Variants in MAF observed in about 807,000 individuals in gnomAD.
The protein encoded by MAF is transcription factor Maf.
Under a neutral mutation model 22.0 loss-of-function variants are expected in MAF, and 10 were observed. The ratio of observed to expected loss-of-function variants is 0.45; its 90% CI spans 0.28 to 0.77. The LOEUF (loss-of-function observed/expected upper bound fraction) is 0.77. MAF is among the 30% of genes least tolerant of loss of function. MAF has a pLI of 0.12. For missense variants in MAF, 544 were observed against 548.4 expected, an observed-to-expected ratio of 0.99 and a Z score of 0.08; for synonymous variants, 337 against 255.8, an observed-to-expected ratio of 1.32 and a Z score of -3.03.
chr16:79,339,691 G>T, the MAF span, among the ~76,000 whole-genome samples: 1 of 152,270 alleles, frequency 6.6e-6, no homozygotes, highest in Admixed American at 6.5e-5. Context: ...TGTTGTTAGT[G>T]TAATAAACAC....
intron 1 of MAF, chr16:79,595,999 A>G: frequency 9.4e-7 from 1 of 1,061,152 alleles, no homozygotes; most frequent in Non-Finnish European, 1.1e-6. Flanking sequence ...GCTAACAAGA[A>G]AATCTCGGTG....
At chr16:79,562,011 C>T in the MAF span, among the ~76,000 whole-genome samples, 1 of 152,164 alleles carries the variant, frequency 6.6e-6, no homozygotes, top group Non-Finnish European at 1.5e-5. Flanking sequence ...CTTATGTTTG[C>T]AAGCTCAAAA....
the MAF span, among the ~76,000 whole-genome samples, chr16:79,493,530 T>C: frequency 2.0e-5 from 3 of 152,192 alleles, no homozygotes; most frequent in African/African-American, 7.2e-5. Flanking sequence ...GCCAGGCTGC[T>C]GTTGAACTCC....
chr16:79,389,057 C>A, the MAF span, among the ~76,000 whole-genome samples: 1 of 152,148 alleles, frequency 6.6e-6, no homozygotes, highest in South Asian at 2.1e-4. Flanking sequence ...AAAAATTGAT[C>A]CCATCGGAGA....
chr16:79,573,307 A>G, the MAF span, among the ~76,000 whole-genome samples: 2 of 152,226 alleles, frequency 1.3e-5, no homozygotes, highest in African/African-American at 4.8e-5. Context: ...TTTGCTTTAC[A>G]GCATTTGGGT....
the MAF span, among the ~76,000 whole-genome samples, chr16:79,568,002 T>C: frequency 6.6e-6 from 1 of 152,180 alleles, no homozygotes; most frequent in Non-Finnish European, 1.5e-5. Flanking sequence ...TATTACAGAA[T>C]GATAATCAGG....
chr16:79,287,285 G>A, the MAF span, among the ~76,000 whole-genome samples: 5 of 152,296 alleles, frequency 3.3e-5, no homozygotes, highest in African/African-American at 4.8e-5. Flanking sequence ...CACCTGCCAC[G>A]CTCCCAGCCC....
At chr16:79,537,500 C>T in the MAF span, among the ~76,000 whole-genome samples, 1 of 152,300 alleles carries the variant, frequency 6.6e-6, no homozygotes, top group Middle Eastern at 3.4e-3. Context: ...GCTCTAAGTT[C>T]GTGCGGCTGA....
At chr16:79,262,155 G>C in the MAF span, among the ~76,000 whole-genome samples, 1 of 152,130 alleles carries the variant, frequency 6.6e-6, no homozygotes, top group Non-Finnish European at 1.5e-5. Flanking sequence ...TGTTGTCTGA[G>C]GTCATTGCCA....
At chr16:79,361,224 A>T in the MAF span, among the ~76,000 whole-genome samples, 1 of 152,130 alleles carries the variant, frequency 6.6e-6, no homozygotes, top group Non-Finnish European at 1.5e-5. Context: ...TTGTCCCCTC[A>T]TTAGGAGAGC....
At chr16:79,251,779 C>G in the MAF span, among the ~76,000 whole-genome samples, 2 of 152,202 alleles carry the variant, frequency 1.3e-5, no homozygotes, top group Admixed American at 6.5e-5. Flanking sequence ...CTTCCCCTGA[C>G]CAGCCAAGCG....
At chr16:79,241,118 C>T in the MAF span, among the ~76,000 whole-genome samples, 1 of 152,058 alleles carries the variant, frequency 6.6e-6, no homozygotes, top group South Asian at 2.1e-4. Flanking sequence ...ATTCCAAAAA[C>T]CAGAATGCCT....
the MAF span, among the ~76,000 whole-genome samples, chr16:79,255,955 CTTTTCTTTTCTT>C: frequency 3.2e-4 from 38 of 117,896 alleles, no homozygotes; most frequent in East Asian, 6.5e-4. Flanking sequence ...TTTATCTTTT[CTTTTCTTTTCTT>C]TTTTCTTTTC....
At chr16:79,529,176 T>G in the MAF span, among the ~76,000 whole-genome samples, 2 of 152,176 alleles carry the variant, frequency 1.3e-5, no homozygotes, top group Admixed American at 6.5e-5. Context: ...CTGGAACTCA[T>G]GGTCCCAGAA....
the MAF span, among the ~76,000 whole-genome samples, chr16:79,510,459 T>C: frequency 6.6e-6 from 1 of 152,168 alleles, no homozygotes; most frequent in African/African-American, 2.4e-5. Flanking sequence ...AGCCTCTGCT[T>C]CTTTCGAGAT....
the MAF span, chr16:79,211,584 TTG>T: frequency 6.2e-7 from 1 of 1,614,092 alleles, no homozygotes; most frequent in Non-Finnish European, 8.5e-7. Context: ...AAATTTTTTT[TTG>T]TCTTTCTTCT....
the MAF span, among the ~76,000 whole-genome samples, chr16:79,375,498 G>A: frequency 3.3e-5 from 5 of 152,088 alleles, no homozygotes; most frequent in Admixed American, 1.3e-4. Context: ...AGATAATGAT[G>A]GTGATGATGA....
the MAF span, among the ~76,000 whole-genome samples, chr16:79,571,530 A>ATTTTTTT: frequency 5.7e-4 from 59 of 103,876 alleles, 1 homozygote; most frequent in African/African-American, 2.2e-3. Context: ...TCTCAGCGGA[A>ATTTTTTT]TTTTTTTTTT....
the MAF span, among the ~76,000 whole-genome samples, chr16:79,489,820 G>A: frequency 6.6e-6 from 1 of 152,200 alleles, no homozygotes; most frequent in Non-Finnish European, 1.5e-5. Flanking sequence ...ATGGGTCTGT[G>A]TGAAACGCAG....
Sources: allele counts gnomAD v4.1 joint callset (sites outside exome capture counted in the v4.1 genomes callset), GRCh38; gene constraint gnomAD v4.1.1; transcripts MANE v1.5; gene names NCBI Gene and HGNC (gene_info 2026-07-23, HGNC 2026-07-21).